The following DACH2 variants were observed in gnomAD, a reference collection of about 807,000 sequenced individuals.
DACH2 encodes dachshund homolog 2.
In DACH2, 17 loss-of-function variants were observed where a neutral mutation model predicts 35.8. That is an observed-to-expected ratio of 0.48 (90% confidence interval 0.33 to 0.71). The LOEUF is 0.71. DACH2 is among the 30% of genes least tolerant of loss of function. DACH2 has a pLI of 0.02. For missense variants in DACH2, 469 were observed against 472.7 expected (o/e 0.99, Z 0.07); for synonymous variants, 195 against 177.3 (o/e 1.10, Z -0.79).
intron 6 of DACH2, among the ~76,000 whole-genome samples, chrX:86,730,755 G>T (rs1420171779): frequency 9.0e-6 from 1 of 111,691 alleles, no homozygotes; most frequent in Non-Finnish European, 1.9e-5. Context: ...AGTGGAGTTT[G>T]CTTTTATGCC....
In DACH2 at chrX:86,401,078, G is replaced by A. The variant is rs948484596; in HGVS notation, c.527+24216G>A. Among the ~76,000 whole-genome samples, 3 of 112,153 alleles carry A rather than the reference G, an allele frequency of 2.7e-5. No homozygotes were observed. In the East Asian group the frequency reaches 8.5e-4, roughly 32 times the overall value. ...TTTACCTACTCAAGCCTGGGCAATG[G>A]CAGGCGCTCCTCCCCCAGCCTCGCT... On this transcript the variant is annotated intron_variant, in intron 2 of 11. Transcript: ENST00000373125.
intron 2 of DACH2, among the ~76,000 whole-genome samples, chrX:86,489,091 G>T (rs933490902): frequency 9.0e-6 from 1 of 111,274 alleles, no homozygotes; most frequent in African/African-American, 3.3e-5. Context: ...AATCTGCGTA[G>T]AATTGAATGA....
At chrX:86,359,127 G>A (rs1035623158) in intron 1 of DACH2, among the ~76,000 whole-genome samples, 1 of 108,626 alleles carries the variant, frequency 9.2e-6, no homozygotes, top group Non-Finnish European at 1.9e-5. Context: ...GTGTGTGCAT[G>A]TGTGTATTTA....
intron 7 of DACH2, among the ~76,000 whole-genome samples, chrX:86,797,557 T>TAAATCC (rs1221682467): frequency 3.6e-5 from 4 of 111,553 alleles, no homozygotes; most frequent in Non-Finnish European, 7.5e-5. Context: ...GATCCGTAAA[T>TAAATCC]ATTTGTAACA....
intron 2 of DACH2, among the ~76,000 whole-genome samples, chrX:86,424,101 T>C (rs2036852365): frequency 9.0e-6 from 1 of 110,930 alleles, no homozygotes; most frequent in Non-Finnish European, 1.9e-5. Context: ...GTAGTATAGT[T>C]TGCAGTCAGG....
At chrX:86,698,533 T>TTTTTTTTTTTTG (rs2041099126) in intron 5 of DACH2, among the ~76,000 whole-genome samples, 1 of 63,057 alleles carries the variant, frequency 1.6e-5, no homozygotes, top group Non-Finnish European at 2.9e-5. Flanking sequence ...TTTTTTTTTT[T>TTTTTTTTTTTTG]TTTTTTTTTT....
At chrX:86,519,377 C>A (rs1483404935) in intron 3 of DACH2, among the ~76,000 whole-genome samples, 2 of 111,887 alleles carry the variant, frequency 1.8e-5, no homozygotes, top group East Asian at 5.6e-4. Context: ...GTGTCTCTTC[C>A]AGGCTTCAGT....
intron 1 of DACH2, among the ~76,000 whole-genome samples, chrX:86,333,837 C>T (rs1477661439): frequency 9.0e-6 from 1 of 110,809 alleles, no homozygotes; most frequent in African/African-American, 3.3e-5. Flanking sequence ...ATACACTTGC[C>T]ATGGTGGTTT....
chrX:86,485,157 A>G (rs1318999083), intron 2 of DACH2, among the ~76,000 whole-genome samples: 1 of 112,134 alleles, frequency 8.9e-6, no homozygotes, highest in African/African-American at 3.2e-5. Context: ...TATAAAATTT[A>G]CAAGCATTTT....
chrX:86,475,339 T>C (rs1033016809), intron 2 of DACH2, among the ~76,000 whole-genome samples: 3 of 111,619 alleles, frequency 2.7e-5, no homozygotes, highest in Non-Finnish European at 3.8e-5. Flanking sequence ...GAATATCTTT[T>C]TTGTGTATGT....
At chrX:86,511,424 A>T (rs950907773) in intron 2 of DACH2, among the ~76,000 whole-genome samples, 5 of 111,925 alleles carry the variant, frequency 4.5e-5, no homozygotes, top group African/African-American at 1.6e-4. Flanking sequence ...GTGATATTTG[A>T]TGACTGATAA....
At chrX:86,710,326 G>A (rs1051209466) in intron 5 of DACH2, among the ~76,000 whole-genome samples, 6 of 111,860 alleles carry the variant, frequency 5.4e-5, no homozygotes, top group Non-Finnish European at 1.1e-4. Flanking sequence ...AATCTATACA[G>A]CCTAAAAAGA....
chrX:86,698,972 TTA>T (rs113147836), intron 5 of DACH2, among the ~76,000 whole-genome samples: 26,905 of 110,592 alleles, frequency 0.24, 2,693 homozygotes, highest in Admixed American at 0.45. Context: ...AAGAAGGTCA[TTA>T]TATTAATATA....
chrX:86,284,077 G>C (rs1477403323), intron 1 of DACH2, among the ~76,000 whole-genome samples: 1 of 110,753 alleles, frequency 9.0e-6, no homozygotes, highest in East Asian at 2.8e-4. Flanking sequence ...TTTCTAATTT[G>C]GATGCCCTTT....
chrX:86,713,381 A>C, intron 5 of DACH2, among the ~76,000 whole-genome samples: 1 of 111,293 alleles, frequency 9.0e-6, no homozygotes, highest in Non-Finnish European at 1.9e-5. Context: ...CTATAGATTC[A>C]CTGATGTTCT....
chrX:86,203,078 A>G (rs1054630855), intron 1 of DACH2, among the ~76,000 whole-genome samples: 7 of 111,434 alleles, frequency 6.3e-5, no homozygotes, highest in Non-Finnish European at 1.3e-4. Context: ...TAAGGGCAAG[A>G]AAACAATTCT....
intron 4 of DACH2, among the ~76,000 whole-genome samples, chrX:86,680,144 ATCTT>A (rs2040864552): frequency 8.9e-6 from 1 of 112,033 alleles, no homozygotes; most frequent in Admixed American, 9.6e-5. Context: ...GTTAAGATCA[ATCTT>A]TCTCCTCTCT....
At chrX:86,788,502 G>T (rs1057381672) in intron 7 of DACH2, among the ~76,000 whole-genome samples, 1 of 111,864 alleles carries the variant, frequency 8.9e-6, no homozygotes, top group African/African-American at 3.2e-5. Context: ...TCTACATGTT[G>T]CATGTCTTTT....
At chrX:86,675,966 C>T (rs1431792505) in intron 4 of DACH2, among the ~76,000 whole-genome samples, 1 of 111,613 alleles carries the variant, frequency 9.0e-6, no homozygotes, top group Non-Finnish European at 1.9e-5. Flanking sequence ...TATTAATCTG[C>T]TCTGATTTTA....
Sources: gnomAD v4.1 joint callset for allele counts (sites outside exome capture counted in the v4.1 genomes callset) on GRCh38, gnomAD v4.1.1 for gene constraint, MANE v1.5 for transcripts, NCBI Gene and HGNC (gene_info 2026-07-23, HGNC 2026-07-21) for gene names.